Variants in CFAP299 observed in about 807,000 individuals in gnomAD.
The protein encoded by CFAP299 is cilia and flagella associated protein 299, also known as cilia- and flagella-associated protein 299.
CFAP299 carries 21 observed loss-of-function variants against 27.0 expected under a neutral mutation model. The ratio of observed to expected loss-of-function variants is 0.78; its 90% CI spans 0.55 to 1.12. The LOEUF is 1.12. Ranked by LOEUF, CFAP299 falls within the 50% of genes most tolerant of loss-of-function variation. CFAP299 has a pLI of 0.00. For synonymous variants in CFAP299, 104 were observed against 98.1 expected (o/e 1.06, Z -0.36); for missense variants, 310 against 276.6 (o/e 1.12, Z -0.86).
chr4:80,900,322 T>G (rs1734824757), intron 4 of CFAP299, among the ~76,000 whole-genome samples: 1 of 152,172 alleles, frequency 6.6e-6, no homozygotes. Flanking sequence ...TGTTTCTCTC[T>G]TATTATTTTA....
chr4:80,762,357 AT>A (rs1441301502), intron 3 of CFAP299, among the ~76,000 whole-genome samples: 1 of 152,104 alleles, frequency 6.6e-6, no homozygotes, highest in African/African-American at 2.4e-5. Flanking sequence ...TAAATAGTAT[AT>A]TTCACATTTT....
At chr4:80,946,421 C>G (rs1355383441) in intron 5 of CFAP299, among the ~76,000 whole-genome samples, 3 of 152,164 alleles carry the variant, frequency 2.0e-5, no homozygotes, top group Admixed American at 1.3e-4. Flanking sequence ...GAACATTCCC[C>G]TGATGCCTTT....
chr4:80,490,220 G>T (rs1275709345), intron 2 of CFAP299, among the ~76,000 whole-genome samples: 2 of 152,114 alleles, frequency 1.3e-5, no homozygotes, highest in Non-Finnish European at 2.9e-5. Flanking sequence ...GTGGTTTTTA[G>T]ACATTCACAT....
intron 3 of CFAP299, among the ~76,000 whole-genome samples, chr4:80,776,279 G>A (rs997591845): frequency 6.6e-6 from 1 of 152,070 alleles, no homozygotes; most frequent in Admixed American, 6.6e-5. Flanking sequence ...TTTCACTACA[G>A]TGTCAGGCCA....
intron 3 of CFAP299, among the ~76,000 whole-genome samples, chr4:80,752,611 A>G (rs1206548650): frequency 1.3e-5 from 2 of 151,320 alleles, no homozygotes; most frequent in Non-Finnish European, 3.0e-5. Context: ...TCTCAGTCTT[A>G]TAGTGGGATT....
intron 1 of CFAP299, among the ~76,000 whole-genome samples, chr4:80,339,750 G>A (rs1470347096): frequency 6.6e-6 from 1 of 151,860 alleles, no homozygotes; most frequent in Admixed American, 6.6e-5. Context: ...GAAAAGTTTT[G>A]GCAAAATTAT....
At chr4:80,529,193 C>T (rs1733337035) in intron 2 of CFAP299, among the ~76,000 whole-genome samples, 1 of 152,212 alleles carries the variant, frequency 6.6e-6, no homozygotes, top group Non-Finnish European at 1.5e-5. Context: ...ACTTGTATCT[C>T]TGCCAGCATC....
chr4:80,863,981 A>G (rs189864313), intron 3 of CFAP299, among the ~76,000 whole-genome samples: 1 of 152,230 alleles, frequency 6.6e-6, no homozygotes, highest in East Asian at 1.9e-4. Context: ...CTATAGAGAT[A>G]GAAAGTAGAT....
chr4:80,588,273 A>G (rs1257591894), intron 3 of CFAP299, among the ~76,000 whole-genome samples: 1 of 150,890 alleles, frequency 6.6e-6, no homozygotes, highest in Admixed American at 6.6e-5. Flanking sequence ...ATTAGCTTTT[A>G]ACACCTGCAG....
chr4:80,590,598 C>T (rs1578642284), intron 3 of CFAP299, among the ~76,000 whole-genome samples: 2 of 152,204 alleles, frequency 1.3e-5, no homozygotes, highest in African/African-American at 2.4e-5. Flanking sequence ...GATCAAGCCA[C>T]TGCACTTCAG....
intron 3 of CFAP299, among the ~76,000 whole-genome samples, chr4:80,675,040 A>G (rs902427405): frequency 6.6e-6 from 1 of 152,216 alleles, no homozygotes; most frequent in Admixed American, 6.5e-5. Flanking sequence ...CATCAAAGTC[A>G]TTCTCCATCC....
At chr4:80,358,741 G>A (rs1182501779) in intron 1 of CFAP299, among the ~76,000 whole-genome samples, 1 of 152,030 alleles carries the variant, frequency 6.6e-6, no homozygotes, top group Non-Finnish European at 1.5e-5. Context: ...TTGATCTCTT[G>A]AAGACAGCAA....
intron 2 of CFAP299, among the ~76,000 whole-genome samples, chr4:80,559,118 T>A (rs1483545336): frequency 6.6e-6 from 1 of 152,174 alleles, no homozygotes; most frequent in Non-Finnish European, 1.5e-5. Context: ...TCAAAATGGC[T>A]TCTTTAGTTA....
Position 80,380,336 on chromosome 4 carries a change from G to A in CFAP299, c.242+17452G>A, listed in dbSNP as rs189702173. ...CAAAATCCAATATTGGTGACAGCTC[G>A]CTAGTGATTAATTAAAGACCAAATA... On this transcript the variant is annotated intron_variant, in intron 2 of 5. Transcript: ENST00000358105. 1.2e-4 allele frequency among the ~76,000 whole-genome samples: 18 copies of A among 150,918 alleles called. No homozygotes were observed. In the East Asian group the frequency reaches 3.3e-3, roughly 28 times the overall value.
intron 3 of CFAP299, among the ~76,000 whole-genome samples, chr4:80,694,099 A>C (rs766954712): frequency 5.3e-5 from 8 of 152,196 alleles, no homozygotes; most frequent in Non-Finnish European, 1.0e-4. Context: ...CTTACAATTT[A>C]ATATTGGAAA....
intron 2 of CFAP299, among the ~76,000 whole-genome samples, chr4:80,380,480 TGCAGTG>T (rs1355981590): frequency 1.4e-5 from 2 of 138,990 alleles, no homozygotes; most frequent in Non-Finnish European, 3.0e-5. Context: ...CAGGCTGGAG[TGCAGTG>T]GCATGATCTT....
chr4:80,382,397 C>A (rs183561877), intron 2 of CFAP299, among the ~76,000 whole-genome samples: 1 of 152,126 alleles, frequency 6.6e-6, no homozygotes, highest in Non-Finnish European at 1.5e-5. Flanking sequence ...ACAGAGTAAG[C>A]AGACAACCTA....
chr4:80,810,083 A>G (rs1016173363), intron 3 of CFAP299, among the ~76,000 whole-genome samples: 9 of 152,054 alleles, frequency 5.9e-5, no homozygotes, highest in Non-Finnish European at 1.3e-4. Context: ...TTGAATAGCT[A>G]TTTTTAGTGT....
chr4:80,833,852 A>G (rs972171759), intron 3 of CFAP299, among the ~76,000 whole-genome samples: 1 of 152,216 alleles, frequency 6.6e-6, no homozygotes, highest in African/African-American at 2.4e-5. Flanking sequence ...GATACACAAG[A>G]CAACTTCATC....
Sources: gnomAD v4.1 joint callset for allele counts (sites outside exome capture counted in the v4.1 genomes callset) on GRCh38, gnomAD v4.1.1 for gene constraint, MANE v1.5 for transcripts, NCBI Gene and HGNC (gene_info 2026-07-23, HGNC 2026-07-21) for gene names.